CERS6: variants seen among roughly 807,000 people sequenced by gnomAD.
The protein encoded by CERS6 is ceramide synthase 6.
A neutral mutation model predicts 56.8 loss-of-function variants in CERS6; 26 were observed. The observed-to-expected ratio is 0.46, with a 90% CI of 0.34 to 0.63. The LOEUF (loss-of-function observed/expected upper bound fraction) is 0.63. Among genes scored for constraint, CERS6 ranks in the 30% least tolerant of loss-of-function variants. The pLI is 0.01. For missense variants in CERS6, 415 were observed against 467.5 expected, an observed-to-expected ratio of 0.89 and a Z score of 1.04; for synonymous variants, 164 against 173.3, an observed-to-expected ratio of 0.95 and a Z score of 0.42.
chr2:168,491,657 G>A (rs1166745161), intron 1 of CERS6, among the ~76,000 whole-genome samples: 1 of 151,972 alleles, frequency 6.6e-6, no homozygotes, highest in Middle Eastern at 3.2e-3. Context: ...TATACTTTAA[G>A]CTCTGGGATA....
At chr2:168,677,949 A>G (rs190225764) in intron 4 of CERS6, among the ~76,000 whole-genome samples, 74 of 152,366 alleles carry the variant, frequency 4.9e-4, no homozygotes, top group Non-Finnish European at 1.2e-4. Flanking sequence ...AAAAATGCTC[A>G]TCATCACTGG....
chr2:168,708,447 G>A (rs553412545), intron 6 of CERS6, among the ~76,000 whole-genome samples: 1 of 152,212 alleles, frequency 6.6e-6, no homozygotes, highest in African/African-American at 2.4e-5. Flanking sequence ...TTTCAAATAA[G>A]AGTACTGTTT....
In CERS6 at chr2:168,461,459, C is replaced by CAAAA. The variant is rs397869323; in HGVS notation, c.170+4860_170+4863dup. On this transcript the variant is annotated intron_variant, in intron 1 of 9. Transcript: ENST00000305747. The stretch of plus-strand genomic sequence containing the variant: ...TGGGCAACAGAGTGAGACCCTGTCT[C>CAAAA]AAAAAAAAAAAAAAAAAAAAAAGTG... 4.2e-4 allele frequency among the ~76,000 whole-genome samples: 33 copies of CAAAA among 78,984 alleles called. 1 individual carries two copies. The highest frequency in any genetic ancestry group is 5.2e-4 in the Non-Finnish European group (21 of 40,332). The allele number at this position is 78,984 out of a possible 152,430, so 51.8% of individuals were successfully genotyped here. A position where few individuals can be genotyped will look rare whatever the true frequency, so the allele number is the denominator to read the frequency against.
intron 1 of CERS6, among the ~76,000 whole-genome samples, chr2:168,467,907 G>C (rs1338841042): frequency 6.6e-6 from 1 of 152,200 alleles, no homozygotes; most frequent in East Asian, 1.9e-4. Flanking sequence ...GGTACAACTT[G>C]TGGAAGCAGT....
chr2:168,631,828 TA>T (rs1365248238), intron 4 of CERS6, among the ~76,000 whole-genome samples: 4 of 131,866 alleles, frequency 3.0e-5, no homozygotes, highest in Admixed American at 9.1e-5. Context: ...ATATATTATA[TA>T]ATATATATTA....
intron 7 of CERS6, among the ~76,000 whole-genome samples, chr2:168,717,050 T>G (rs964439994): frequency 2.0e-5 from 3 of 152,142 alleles, no homozygotes; most frequent in Non-Finnish European, 4.4e-5. Context: ...AGCAAAATTG[T>G]TTTCAGTCTC....
intron 6 of CERS6, among the ~76,000 whole-genome samples, chr2:168,702,502 T>C (rs1348315956): frequency 1.3e-5 from 2 of 152,234 alleles, no homozygotes; most frequent in African/African-American, 4.8e-5. Context: ...GGAAAGCTTA[T>C]GTGTACCAGC....
At chr2:168,469,243 C>T (rs1693935330) in intron 1 of CERS6, among the ~76,000 whole-genome samples, 2 of 152,112 alleles carry the variant, frequency 1.3e-5, no homozygotes, top group South Asian at 4.1e-4. Flanking sequence ...GAATTTGCAC[C>T]TGCTTTCAAC....
intron 8 of CERS6, among the ~76,000 whole-genome samples, chr2:168,751,785 T>C (rs1388486218): frequency 6.6e-6 from 1 of 152,198 alleles, no homozygotes; most frequent in Non-Finnish European, 1.5e-5. Context: ...AGAAAGACCT[T>C]CCACAAAATT....
At chr2:168,653,560 T>G (rs1331831630) in intron 4 of CERS6, among the ~76,000 whole-genome samples, 1 of 152,244 alleles carries the variant, frequency 6.6e-6, no homozygotes, top group Non-Finnish European at 1.5e-5. Flanking sequence ...TTAATTATCT[T>G]AGATATGTGT....
chr2:168,480,164 A>G (rs1282910775), intron 1 of CERS6, among the ~76,000 whole-genome samples: 1 of 152,170 alleles, frequency 6.6e-6, no homozygotes, highest in Non-Finnish European at 1.5e-5. Flanking sequence ...AGAGAAATGG[A>G]TATGGATGAG....
intron 3 of CERS6, among the ~76,000 whole-genome samples, chr2:168,578,474 A>T (rs1683331569): frequency 6.6e-6 from 1 of 152,188 alleles, no homozygotes; most frequent in Admixed American, 6.5e-5. Flanking sequence ...GAAGATGCTT[A>T]AGCTGCCACA....
intron 3 of CERS6, among the ~76,000 whole-genome samples, chr2:168,592,758 C>A (rs774506119): frequency 6.6e-6 from 1 of 152,052 alleles, no homozygotes; most frequent in South Asian, 2.1e-4. Flanking sequence ...AATATTATGA[C>A]AAAAAATACC....
chr2:168,690,954 G>GC, intron 4 of CERS6, 80 bp from the exon 5 acceptor site: 5 of 1,265,094 alleles, frequency 4.0e-6, no homozygotes, highest in Non-Finnish European at 5.8e-6. Flanking sequence ...AAATATTAGG[G>GC]CAAGAGCCTA....
At chr2:168,575,041 T>C (rs112291112) in intron 3 of CERS6, among the ~76,000 whole-genome samples, 8 of 152,320 alleles carry the variant, frequency 5.3e-5, no homozygotes, top group African/African-American at 1.9e-4. Context: ...GGTGAGGTCC[T>C]TGTGGTAGAA....
intron 1 of CERS6, among the ~76,000 whole-genome samples, chr2:168,513,959 G>C (rs1490279738): frequency 6.6e-6 from 1 of 152,078 alleles, no homozygotes; most frequent in Non-Finnish European, 1.5e-5. Flanking sequence ...TCCCTAGGAA[G>C]TGTTATGCCC....
intron 1 of CERS6, among the ~76,000 whole-genome samples, chr2:168,532,751 A>G (rs1234358841): frequency 1.3e-5 from 2 of 152,200 alleles, no homozygotes; most frequent in East Asian, 3.8e-4. Flanking sequence ...TAAGATGTTG[A>G]AAAATACAGA....
chr2:168,601,387 G>A (rs1683929145), intron 3 of CERS6, among the ~76,000 whole-genome samples: 1 of 152,078 alleles, frequency 6.6e-6, no homozygotes. Context: ...CAATAGTATT[G>A]CATGCTCATC....
At chr2:168,665,787 T>A (rs750080211) in intron 4 of CERS6, among the ~76,000 whole-genome samples, 11 of 152,162 alleles carry the variant, frequency 7.2e-5, no homozygotes, top group African/African-American at 1.2e-4. Context: ...ATGCAACTAG[T>A]AAGTGAACGA....
Sources: gnomAD v4.1 joint callset for allele counts (sites outside exome capture counted in the v4.1 genomes callset) on GRCh38, gnomAD v4.1.1 for gene constraint, MANE v1.5 for transcripts, NCBI Gene and HGNC (gene_info 2026-07-23, HGNC 2026-07-21) for gene names.